The following ARPC5L variants were observed in gnomAD, a reference collection of about 807,000 sequenced individuals.
The protein encoded by ARPC5L is actin-related protein 2/3 complex subunit 5-like protein.
Under a neutral mutation model 16.9 loss-of-function variants are expected in ARPC5L, and 4 were observed. The observed-to-expected ratio is 0.24, with a 90% CI of 0.12 to 0.54. The LOEUF is 0.54. Among genes scored for constraint, ARPC5L ranks in the 20% least tolerant of loss-of-function variants. The probability of loss-of-function intolerance (pLI) is 0.95; values close to 1 mark genes in which losing one functional copy is unlikely to be tolerated. For missense variants in ARPC5L, 151 were observed against 201.9 expected, an observed-to-expected ratio of 0.75 and a Z score of 1.53; for synonymous variants, 78 against 82.6, an observed-to-expected ratio of 0.94 and a Z score of 0.30.
chr9:124,871,199 G>A (rs922045374), intron 3 of ARPC5L, among the ~76,000 whole-genome samples: 8 of 152,206 alleles, frequency 5.3e-5, no homozygotes, highest in Non-Finnish European at 1.0e-4. Flanking sequence ...TCCTGGGGCT[G>A]TATAGGGAAG....
chr9:124,865,842 C>T (rs1265625045), intron 2 of ARPC5L, among the ~76,000 whole-genome samples: 1 of 151,756 alleles, frequency 6.6e-6, no homozygotes. Flanking sequence ...CGTGGTGGCT[C>T]ACACCTGTAA....
intron 3 of ARPC5L, chr9:124,873,132 CATT>C (rs1282326913): frequency 6.6e-6 from 1 of 152,668 alleles, no homozygotes; most frequent in African/African-American, 2.4e-5. Flanking sequence ...GAGACTGGCT[CATT>C]GTTGGCAAAA....
At chr9:124,873,982 A>ACTC (rs1829398467) in intron 4 of ARPC5L, among the ~76,000 whole-genome samples, 1 of 152,070 alleles carries the variant, frequency 6.6e-6, no homozygotes, top group Non-Finnish European at 1.5e-5. Context: ...AGAAGCCTTC[A>ACTC]CTCCTGCTCA....
intron 2 of ARPC5L, among the ~76,000 whole-genome samples, chr9:124,865,231 C>T (rs774215863): frequency 1.4e-5 from 2 of 147,676 alleles, no homozygotes; most frequent in Non-Finnish European, 3.0e-5. Context: ...GCAAGAGAAT[C>T]GCTTGAACCC....
intron 3 of ARPC5L, among the ~76,000 whole-genome samples, chr9:124,871,221 G>A (rs1339547901): frequency 8.5e-5 from 13 of 152,324 alleles, no homozygotes; most frequent in African/African-American, 3.1e-4. Context: ...GTGTGTGGCA[G>A]GAGATGACAC....
Position 124,862,392 on chromosome 9 carries a change from C to A in ARPC5L, c.-990C>A, listed in dbSNP as rs1829215561. The A allele has an allele frequency of 6.3e-6, 1 of 157,662 alleles. No individual in the cohort carries two copies. The highest frequency in any genetic ancestry group is 6.5e-5 in the Admixed American group (1 of 15,404). The allele number at this position is 157,662 out of a possible 1,614,324, so 9.8% of individuals were successfully genotyped here. ...AAAGACGATTAACCGAGGCTCACGT[C>A]GCGGAGGAATTTAAAGCGCGAGATG... is the stretch of plus-strand genomic sequence containing the variant. On this transcript the variant is annotated 5_prime_UTR_variant, in exon 1 of 6. Transcript: ENST00000353214.
intron 2 of ARPC5L, among the ~76,000 whole-genome samples, chr9:124,865,489 C>T (rs1319498961): frequency 6.6e-6 from 1 of 151,984 alleles, no homozygotes; most frequent in Admixed American, 6.6e-5. Context: ...ACTCTACCTT[C>T]AAAATTTACC....
In ARPC5L at chr9:124,875,007, C is replaced by T. The variant is rs1294170722; in HGVS notation, c.255C>T (p.Leu85=). Residue 85 remains leucine (L), a synonymous_variant, in exon 5 of 6, where the codon CTC becomes CTT. Coordinates refer to ENST00000353214, the MANE Select transcript of ARPC5L (RefSeq NM_030978.3). ...CCCAGGGCGTGGTGCTGAAAGTGCTCACAAACTTCAAGAGCAGTGAGATTG... is the reference window on the plus strand; with the variant it reads ...CCCAGGGCGTGGTGCTGAAAGTGCTTACAAACTTCAAGAGCAGTGAGATTG... The part of the protein sequence containing the change: ...ERAQGVVLKV[L]TNFKSSEIEQ... The T allele has an allele frequency of 6.2e-7, 1 of 1,613,986 alleles. No individual in the cohort carries two copies. The highest frequency in any genetic ancestry group is 2.2e-5 in the East Asian group (1 of 44,892).
intron 3 of ARPC5L, among the ~76,000 whole-genome samples, chr9:124,872,408 A>C (rs1432157956): frequency 6.6e-6 from 1 of 152,102 alleles, no homozygotes; most frequent in Middle Eastern, 3.2e-3. Flanking sequence ...ATCCTGGCTA[A>C]CACAGTGAAA....
intron 2 of ARPC5L, among the ~76,000 whole-genome samples, chr9:124,865,617 G>A (rs1258623160): frequency 3.4e-5 from 5 of 149,020 alleles, no homozygotes; most frequent in African/African-American, 9.9e-5. Flanking sequence ...TGGTGAAACC[G>A]TGTCTCTACT....
intron 4 of ARPC5L, among the ~76,000 whole-genome samples, chr9:124,874,721 C>G (rs1004300075): frequency 6.6e-6 from 1 of 151,798 alleles, no homozygotes; most frequent in Non-Finnish European, 1.5e-5. Flanking sequence ...CTCTCTCTCT[C>G]TCTCTCAGAG....
At chr9:124,866,993 C>G (rs1829279002) in intron 2 of ARPC5L, among the ~76,000 whole-genome samples, 1 of 152,192 alleles carries the variant, frequency 6.6e-6, no homozygotes, top group African/African-American at 2.4e-5. Flanking sequence ...CTACAGAGCC[C>G]TACTCTCCTC....
chr9:124,869,851 C>T (rs1588042806), intron 3 of ARPC5L, among the ~76,000 whole-genome samples: 3 of 152,232 alleles, frequency 2.0e-5, no homozygotes, highest in Admixed American at 6.5e-5. Flanking sequence ...CGGAGGTGAG[C>T]CGCATCTGAG....
intron 1 of ARPC5L, among the ~76,000 whole-genome samples, chr9:124,863,073 C>T (rs1002335213): frequency 6.6e-6 from 1 of 152,098 alleles, no homozygotes; most frequent in African/African-American, 2.4e-5. Context: ...AAGCAATCCG[C>T]CCTCCTCGGC....
intron 5 of ARPC5L, 84 bp downstream of exon 5, chr9:124,875,235 C>T (rs1051415242): frequency 3.9e-5 from 58 of 1,480,096 alleles, no homozygotes; most frequent in Non-Finnish European, 4.9e-5. Flanking sequence ...CCAGAACAAA[C>T]GTAGGACGGT....
Position 124,876,803 on chromosome 9 carries a change from C to T in ARPC5L, c.400-75C>T, listed in dbSNP as rs1461005191. The T allele has an allele frequency of 9.8e-6, 12 of 1,226,248 alleles. No homozygotes were observed. In the Admixed American group the frequency reaches 1.2e-4, roughly 13 times the overall value. The allele number at this position is 1,226,248 out of a possible 1,614,324, so 76.0% of individuals were successfully genotyped here. ...GGGATCTAGGTCAGGGAATGTCCCC[C>T]CTGTCTCTGGCAAGCCAGGCTCCCC... is the stretch of plus-strand genomic sequence containing the variant. On this transcript the variant is annotated intron_variant, in intron 5 of 5. Coordinates refer to ENST00000353214, the MANE Select transcript of ARPC5L (RefSeq NM_030978.3).
intron 2 of ARPC5L, among the ~76,000 whole-genome samples, chr9:124,865,649 C>T (rs565966655): frequency 1.3e-5 from 2 of 150,808 alleles, no homozygotes; most frequent in African/African-American, 2.4e-5. Flanking sequence ...AAAAATTAGC[C>T]GGGCATGGTG....
At chr9:124,868,250 TTA>T (rs1312193693) in intron 2 of ARPC5L, among the ~76,000 whole-genome samples, 176 bp from the exon 3 acceptor site, 1 of 152,210 alleles carries the variant, frequency 6.6e-6, no homozygotes, top group Non-Finnish European at 1.5e-5. Context: ...CTACTGACTT[TTA>T]TTAAAAAGAG....
Position 124,862,141 on chromosome 9 carries a change from C to G in ARPC5L, c.-1241C>G, listed in dbSNP as rs752286201. 2 of 499,058 alleles carry G rather than the reference C, an allele frequency of 4.0e-6. No homozygotes were observed. Among genetic ancestry groups the G allele is most frequent in the Non-Finnish European group, 6.9e-6 (2 of 291,502 alleles). 30.9% of individuals were successfully genotyped at this position (499,058 alleles called of 1,614,324 possible). On this transcript the variant is annotated 5_prime_UTR_variant, in exon 1 of 6. Transcript: ENST00000353214. ...GTAGTGCTCGCCTCATTCACGGCAC[C>G]CCTGATAGCGAGGTCGGCGTCACGG...
Sources: allele counts gnomAD v4.1 joint callset (sites outside exome capture counted in the v4.1 genomes callset), GRCh38; gene constraint gnomAD v4.1.1; transcripts MANE v1.5; gene names NCBI Gene and HGNC (gene_info 2026-07-23, HGNC 2026-07-21).